SLC39A2: variants seen among roughly 807,000 people sequenced by gnomAD.
SLC39A2 encodes zinc transporter ZIP2.
In SLC39A2, 14 loss-of-function variants were observed where a neutral mutation model predicts 18.0. The observed-to-expected ratio is 0.78, with a 90% CI of 0.51 to 1.22. The LOEUF (loss-of-function observed/expected upper bound fraction) is 1.22, where lower values mean the gene tolerates loss of function less well. Ranked by LOEUF, SLC39A2 falls within the 50% of genes most tolerant of loss-of-function variation. SLC39A2 has a pLI of 0.00. For missense variants in SLC39A2, 375 were observed against 370.6 expected, an observed-to-expected ratio of 1.01 and a Z score of -0.10; for synonymous variants, 152 against 153.1, an observed-to-expected ratio of 0.99 and a Z score of 0.05.
At position 21,000,156 on chromosome 14, in the gene SLC39A2, A is replaced by G. The variant is rs1478371334; in HGVS notation, c.287A>G (p.Asp96Gly). 1 of 1,612,426 alleles carries G rather than the reference A, an allele frequency of 6.2e-7. No individual in the cohort carries two copies. Among genetic ancestry groups the G allele is most frequent in the Non-Finnish European group, 8.5e-7 (1 of 1,179,196 alleles). The change falls in exon 3 of 4, where the codon GAT becomes GGT. Residue 96 changes from aspartate (D) to glycine (G), a missense_variant. Asp to Gly is a moderately conservative substitution (Grantham distance 94). Coordinates refer to ENST00000298681, the MANE Select transcript of SLC39A2 (RefSeq NM_014579.4). ...ASERNSSGDA[D>G]SAHMEYPYGE... ...GAGAGAAATTCTTCTGGTGATGCTG[A>G]TTCAGCTCATGTAAGTACCTCCCAC...
At position 20,999,725 on chromosome 14, in the gene SLC39A2, C is replaced by T. The variant is rs200215102; in HGVS notation, c.116-17C>T. ...CTCCTCAGTGTCAAGTGGGTTGTAA[C>T]TTCTGCTTTTTATTAGGTCATCACC... is the stretch of plus-strand genomic sequence containing the variant. On this transcript the variant is annotated splice_polypyrimidine_tract_variant and intron_variant, in intron 1 of 3. Transcript: ENST00000298681. 2 of 1,614,100 alleles carry T rather than the reference C, an allele frequency of 1.2e-6. No individual in the cohort carries two copies. The highest frequency in any genetic ancestry group is 2.2e-5 in the East Asian group (1 of 44,864).
chr14:21,001,695 T>G lies in SLC39A2; in HGVS notation c.*116T>G. The G allele has an allele frequency of 3.9e-6, 4 of 1,016,442 alleles. No homozygotes were observed. The highest frequency in any genetic ancestry group is 5.7e-6 in the Non-Finnish European group (4 of 704,932). 63.0% of individuals were successfully genotyped at this position (1,016,442 alleles called of 1,614,324 possible). On this transcript the variant is annotated 3_prime_UTR_variant, in exon 4 of 4. Transcript: ENST00000298681. ...TTTACTCAGACTAAATAGCATTCAG[T>G]AGGACTGGACTGGACCCCAGGTTTC...
rs201278435 is a variant in SLC39A2, at chr14:21,001,313, C to G, written c.664C>G (p.Arg222Gly). The G allele has an allele frequency of 1.2e-6, 2 of 1,614,076 alleles. No homozygotes were observed. The highest frequency in any genetic ancestry group is 1.7e-6 in the Non-Finnish European group (2 of 1,180,042). The stretch of plus-strand genomic sequence containing the variant: ...GCTAGTGCATTTAGGTACCAGCTCA[C>G]GATGGGCAGTGTTCTCCATACTATT... ...MRLVHLGTSS[R>G]WAVFSILLLA... is the part of the protein sequence containing the mutation. Residue 222 changes from arginine to glycine, a missense_variant, in exon 4 of 4, where the codon CGA becomes GGA. By Grantham distance (125) the Arg-to-Gly change is moderately radical. Transcript: ENST00000298681.
At position 21,001,435 on chromosome 14, in the gene SLC39A2, G is replaced by T. The variant is rs200324289; in HGVS notation, c.786G>T (p.Glu262Asp). The change falls in exon 4 of 4, where the codon GAG becomes GAT. Residue 262 changes from glutamate to aspartate, a missense_variant. Transcript: ENST00000298681. ...GGGGCTTAGCCCAGGCTGTGTTAGA[G>T]GGTGTGGCAGCTGGTACCTTCCTGT... ...GGRGLAQAVL[E>D]GVAAGTFLYV... 56 of 1,613,994 alleles carry T rather than the reference G, an allele frequency of 3.5e-5. No homozygotes were observed. The highest frequency in any genetic ancestry group is 4.5e-5 in the Non-Finnish European group (53 of 1,179,964).
Position 20,999,845 on chromosome 14 carries a change from A to T in SLC39A2, c.219A>T (p.Glu73Asp). Residue 73 changes from glutamate to aspartate, a missense_variant, in exon 2 of 4, where the codon GAA becomes GAT. Transcript: ENST00000298681. ...HMTAEALEEI[E>D]SQIQKFMVQN... is the part of the protein sequence containing the mutation. ...CTGCTGAAGCCCTGGAGGAAATTGA[A>T]TCACAGATTCAGAAGTTCATGGTGC... The T allele has an allele frequency of 6.2e-7, 1 of 1,614,150 alleles. No homozygotes were observed. The highest frequency in any genetic ancestry group is 1.1e-5 in the South Asian group (1 of 91,082).
rs1880525592 is a variant in SLC39A2, at chr14:20,999,373, A to G, written c.-74A>G. 1.8e-6 allele frequency: 2 copies of G among 1,129,480 alleles called. No individual in the cohort carries two copies. The highest frequency in any genetic ancestry group is 3.4e-5 in the Admixed American group (2 of 58,782). 70.0% of individuals were successfully genotyped at this position (1,129,480 alleles called of 1,614,324 possible). A position where few individuals can be genotyped will look rare whatever the true frequency, so the allele number is the denominator to read the frequency against. On this transcript the variant is annotated 5_prime_UTR_variant, in exon 1 of 4. Transcript: ENST00000298681. ...GTGGACACTCCAGTGTTGACCACCT[A>G]AGATACCACTCCTGCTCCAAAGATT...
At position 20,999,739 on chromosome 14, in the gene SLC39A2, T is replaced by A. The variant is rs372488814; in HGVS notation, c.116-3T>A. The A allele has an allele frequency of 1.1e-5, 18 of 1,614,032 alleles. No individual in the cohort carries two copies. Among genetic ancestry groups the A allele is most frequent in the Non-Finnish European group, 1.5e-5 (18 of 1,179,984 alleles). On this transcript the variant is annotated splice_region_variant and splice_polypyrimidine_tract_variant and intron_variant, in intron 1 of 3. Transcript: ENST00000298681. The stretch of plus-strand genomic sequence containing the variant: ...GTGGGTTGTAACTTCTGCTTTTTAT[T>A]AGGTCATCACCGGCTAGTCCTCAGA...
rs562183286 is a variant in SLC39A2 at position 21,001,665 on chromosome 14, A to G, written c.*86A>G. ...TCCCAAATGGCTTTGACCCTCAGAC[A>G]TTTCTTTACTCAGACTAAATAGCAT... is the stretch of plus-strand genomic sequence containing the variant. On this transcript the variant is annotated 3_prime_UTR_variant, in exon 4 of 4. Coordinates refer to ENST00000298681, the MANE Select transcript of SLC39A2 (RefSeq NM_014579.4). 3 of 1,337,306 alleles carry G rather than the reference A, an allele frequency of 2.2e-6. No individual in the cohort carries two copies. Among genetic ancestry groups the G allele is most frequent in the African/African-American group, 2.9e-5 (2 of 68,512 alleles). The allele number at this position is 1,337,306 out of a possible 1,614,324, so 82.8% of individuals were successfully genotyped here.
At position 21,001,709 on chromosome 14, in the gene SLC39A2, AC is replaced by A; in HGVS notation, c.*134del. The A allele has an allele frequency of 2.5e-6, 2 of 805,676 alleles. No individual in the cohort carries two copies. The highest frequency in any genetic ancestry group is 1.8e-6 in the Non-Finnish European group (1 of 540,590). 49.9% of individuals were successfully genotyped at this position (805,676 alleles called of 1,614,324 possible). Reference sequence around the variant, plus strand: ...ATAGCATTCAGTAGGACTGGACTGGACCCCAGGTTTCCTTTACATGAGATCC... The same window carrying A: ...ATAGCATTCAGTAGGACTGGACTGGACCCAGGTTTCCTTTACATGAGATCC... On this transcript the variant is annotated 3_prime_UTR_variant, in exon 4 of 4. Transcript: ENST00000298681.
Position 20,999,515 on chromosome 14 carries a change from C to T in SLC39A2, c.69C>T (p.Gly23=). ...FALLALTLGC[G]LTPICFKWFQ... Reference sequence around the variant, plus strand: ...TGTTGGCTCTCACTCTGGGCTGTGGCCTTACTCCCATCTGCTTCAAATGGT... The same window carrying T: ...TGTTGGCTCTCACTCTGGGCTGTGGTCTTACTCCCATCTGCTTCAAATGGT... Residue 23 remains glycine (G), a synonymous_variant, in exon 1 of 4, where the codon GGC becomes GGT. Coordinates refer to ENST00000298681, the MANE Select transcript of SLC39A2 (RefSeq NM_014579.4). 1 of 1,614,150 alleles carries T rather than the reference C, an allele frequency of 6.2e-7. No homozygotes were observed. The highest frequency in any genetic ancestry group is 1.1e-5 in the South Asian group (1 of 91,070).
chr14:21,000,018 G>T, intron 2 of SLC39A2, 98 bp from the exon 3 acceptor site: 1 of 1,454,542 alleles, frequency 6.9e-7, no homozygotes, highest in Non-Finnish European at 9.5e-7. Context: ...GTGAAAGCAA[G>T]TCAGATTAGG....
At chr14:21,000,826 C>G in intron 3 of SLC39A2, 121 bp from the exon 4 acceptor site, 1 of 850,058 alleles carries the variant, frequency 1.2e-6, no homozygotes, top group Non-Finnish European at 1.8e-6. Flanking sequence ...TTCATTTCCC[C>G]TACCCTTTTT....
intron 3 of SLC39A2, 81 bp from the exon 4 acceptor site, chr14:21,000,866 C>G: frequency 8.4e-7 from 1 of 1,195,254 alleles, no homozygotes; most frequent in East Asian, 2.5e-5. Context: ...TTCTCATTCT[C>G]TTCAATCTCC....
rs1164907825 is a variant in SLC39A2, at chr14:20,999,821, T to C, written c.195T>C (p.Thr65=). 25 of 1,614,204 alleles carry C rather than the reference T, an allele frequency of 1.5e-5. No homozygotes were observed. Among genetic ancestry groups the C allele is most frequent in the Non-Finnish European group, 2.1e-5 (25 of 1,180,028 alleles). The change falls in exon 2 of 4, where the codon ACT becomes ACC. Residue 65 remains threonine, a synonymous_variant. Transcript: ENST00000298681. ...VFLGAGFMHM[T]AEALEEIESQ... ...TGGGAGCAGGGTTCATGCATATGACTGCTGAAGCCCTGGAGGAAATTGAAT... is the reference window on the plus strand; with the variant it reads ...TGGGAGCAGGGTTCATGCATATGACCGCTGAAGCCCTGGAGGAAATTGAAT...
In SLC39A2 at chr14:21,001,427, G is replaced by T. The variant is rs764455481; in HGVS notation, c.778G>T (p.Val260Leu). The change falls in exon 4 of 4, where the codon GTG becomes TTG. Residue 260 changes from valine (V) to leucine (L), a missense_variant. Transcript: ENST00000298681. ...SEGGRGLAQA[V>L]LEGVAAGTFL... ...AGGAGGGCGGGGCTTAGCCCAGGCTGTGTTAGAGGGTGTGGCAGCTGGTAC... is the reference window on the plus strand; with the variant it reads ...AGGAGGGCGGGGCTTAGCCCAGGCTTTGTTAGAGGGTGTGGCAGCTGGTAC... 14 of 1,613,962 alleles carry T rather than the reference G, an allele frequency of 8.7e-6. No individual in the cohort carries two copies.
intron 2 of SLC39A2, 101 bp downstream of exon 2, chr14:20,999,973 AACG>A: frequency 6.6e-7 from 1 of 1,519,808 alleles, no homozygotes; most frequent in Non-Finnish European, 9.0e-7. Context: ...ACATGGGTGG[AACG>A]ACAAGGAAAA....
Position 21,001,417 on chromosome 14 carries a change from A to G in SLC39A2, c.768A>G (p.Leu256=). The G allele has an allele frequency of 6.2e-7, 1 of 1,614,088 alleles. No individual in the cohort carries two copies. Among genetic ancestry groups the G allele is most frequent in the Non-Finnish European group, 8.5e-7 (1 of 1,179,948 alleles). Residue 256 remains leucine (L), a synonymous_variant, in exon 4 of 4, where the codon TTA becomes TTG. Coordinates refer to ENST00000298681, the MANE Select transcript of SLC39A2 (RefSeq NM_014579.4). ...GGGACTCTGAAGGAGGGCGGGGCTT[A>G]GCCCAGGCTGTGTTAGAGGGTGTGG... The part of the protein sequence containing the change: ...TGGDSEGGRG[L]AQAVLEGVAA...
chr14:20,999,968 G>T, intron 2 of SLC39A2, 96 bp downstream of exon 2: 1 of 1,534,572 alleles, frequency 6.5e-7, no homozygotes, highest in South Asian at 1.2e-5. Context: ...CAAGGACATG[G>T]GTGGAACGAC....
chr14:20,999,396 A>G lies in SLC39A2; in HGVS notation c.-51A>G. 2.8e-6 allele frequency: 4 copies of G among 1,404,572 alleles called. No individual in the cohort carries two copies. The highest frequency in any genetic ancestry group is 2.3e-5 in the East Asian group (1 of 43,928). The allele number at this position is 1,404,572 out of a possible 1,614,324, so 87.0% of individuals were successfully genotyped here. On this transcript the variant is annotated 5_prime_UTR_variant, in exon 1 of 4. Coordinates refer to ENST00000298681, the MANE Select transcript of SLC39A2 (RefSeq NM_014579.4). ...CTAAGATACCACTCCTGCTCCAAAG[A>G]TTACAGCTCCCTTGTCATTCTGACT...
Sources: allele counts gnomAD v4.1 joint callset, GRCh38; gene constraint gnomAD v4.1.1; transcripts MANE v1.5; gene names NCBI Gene and HGNC (gene_info 2026-07-23, HGNC 2026-07-21).